Variants in SESN1 observed in about 807,000 individuals in gnomAD.
SESN1 encodes the protein sestrin-1.
In SESN1, 30 loss-of-function variants were observed where a neutral mutation model predicts 59.3. That is an observed-to-expected ratio of 0.51 (90% CI 0.38 to 0.69). The LOEUF (loss-of-function observed/expected upper bound fraction) is 0.69. Among genes scored for constraint, SESN1 ranks in the 30% least tolerant of loss-of-function variants. SESN1 has a pLI of 0.00. For synonymous variants in SESN1, 197 were observed against 219.9 expected (o/e 0.90, Z 0.92); for missense variants, 566 against 673.0 (o/e 0.84, Z 1.76).
rs910363196 is a variant in SESN1, at chr6:108,984,961, C to A, written c.*2583G>T. Among the ~76,000 whole-genome samples the A allele has an allele frequency of 6.6e-6, 1 of 152,082 alleles. No homozygotes were observed. Among genetic ancestry groups the A allele is most frequent in the Admixed American group, 6.6e-5 (1 of 15,258 alleles). ...TCTGGCCCATATATTGTTAACTCAG[C>A]GTCTCTGGGAGAATGAGGACGTGGA... On this transcript the variant is annotated 3_prime_UTR_variant, in exon 10 of 10. Coordinates refer to ENST00000436639, the MANE Select transcript of SESN1 (RefSeq NM_014454.3).
At chr6:109,032,356 C>T (rs1028628764) in intron 1 of SESN1, among the ~76,000 whole-genome samples, 2 of 152,102 alleles carry the variant, frequency 1.3e-5, no homozygotes, top group Non-Finnish European at 2.9e-5. Context: ...CAGTGGCTCA[C>T]GCCTGTAATC....
chr6:109,026,391 C>T (rs551363137), intron 1 of SESN1, among the ~76,000 whole-genome samples: 75 of 152,166 alleles, frequency 4.9e-4, no homozygotes, highest in Non-Finnish European at 4.7e-4. Flanking sequence ...AAATTCTCAC[C>T]TACCCAGAAT....
intron 1 of SESN1, among the ~76,000 whole-genome samples, chr6:109,049,759 A>G (rs1387651762): frequency 6.6e-6 from 1 of 150,750 alleles, no homozygotes; most frequent in Non-Finnish European, 1.5e-5. Flanking sequence ...TGAAATCATT[A>G]CATATATATT....
At chr6:109,035,422 G>A (rs1424238120) in intron 1 of SESN1, among the ~76,000 whole-genome samples, 2 of 152,046 alleles carry the variant, frequency 1.3e-5, no homozygotes, top group African/African-American at 4.8e-5. Flanking sequence ...AAAAGACTGA[G>A]TATAAAAGGT....
At chr6:109,076,433 T>G (rs1299385413) in intron 1 of SESN1, among the ~76,000 whole-genome samples, 6 of 152,228 alleles carry the variant, frequency 3.9e-5, no homozygotes, top group Non-Finnish European at 5.9e-5. Context: ...TTTTACAACT[T>G]CTTTTGGCCA....
intron 1 of SESN1, among the ~76,000 whole-genome samples, chr6:109,037,663 TG>T (rs1780269694): frequency 6.6e-6 from 1 of 152,188 alleles, no homozygotes; most frequent in Admixed American, 6.5e-5. Flanking sequence ...ATGGTTTTAA[TG>T]TTGAAATATT....
At chr6:109,019,581 TAA>T (rs2114366933) in intron 1 of SESN1, among the ~76,000 whole-genome samples, 1 of 152,262 alleles carries the variant, frequency 6.6e-6, no homozygotes, top group Non-Finnish European at 1.5e-5. Context: ...AAAACATAAA[TAA>T]AGTCACTCTT....
chr6:109,005,692 A>G (rs1225711335), intron 1 of SESN1, among the ~76,000 whole-genome samples: 1 of 152,194 alleles, frequency 6.6e-6, no homozygotes, highest in Non-Finnish European at 1.5e-5. Flanking sequence ...TGGGCATATT[A>G]ATAACACTGT....
chr6:109,013,768 C>G (rs7767882), intron 1 of SESN1, among the ~76,000 whole-genome samples: 66 of 152,056 alleles, frequency 4.3e-4, no homozygotes, highest in Non-Finnish European at 1.8e-4. Context: ...GTGGTTTAAG[C>G]ATTCTTGAAA....
At chr6:108,989,248 C>A (rs754774408) in intron 8 of SESN1, among the ~76,000 whole-genome samples, 1 of 152,156 alleles carries the variant, frequency 6.6e-6, no homozygotes, top group Non-Finnish European at 1.5e-5. Flanking sequence ...AGTGATCTGC[C>A]CGCCTTGGCT....
intron 1 of SESN1, chr6:109,009,471 G>A: frequency 8.0e-7 from 1 of 1,252,918 alleles, no homozygotes; most frequent in African/African-American, 1.6e-5. Flanking sequence ...GTCGGCGCGG[G>A]GACGGCTGCG....
intron 1 of SESN1, among the ~76,000 whole-genome samples, chr6:109,090,347 C>T (rs1190360883): frequency 6.6e-6 from 1 of 152,160 alleles, no homozygotes; most frequent in Non-Finnish European, 1.5e-5. Context: ...ACACTTGACC[C>T]TTGAACAACA....
intron 1 of SESN1, among the ~76,000 whole-genome samples, chr6:109,028,965 T>C (rs1318800452): frequency 2.0e-5 from 3 of 152,218 alleles, no homozygotes; most frequent in African/African-American, 7.2e-5. Flanking sequence ...CCTTTATGTA[T>C]ATTAACTGTC....
chr6:109,014,361 T>G (rs1779901990), intron 1 of SESN1, among the ~76,000 whole-genome samples: 1 of 152,202 alleles, frequency 6.6e-6, no homozygotes, highest in Non-Finnish European at 1.5e-5. Flanking sequence ...TATTTTTATT[T>G]TACAAATTTG....
Position 108,985,704 on chromosome 6 carries a change from G to C in SESN1, c.*1840C>G, listed in dbSNP as rs927805457. ...GATTAGAATCTCTACTAGAAATTTTGTATTTTCAAGAGGAGGAACAAAGAG... is the reference window on the plus strand; with the variant it reads ...GATTAGAATCTCTACTAGAAATTTTCTATTTTCAAGAGGAGGAACAAAGAG... On this transcript the variant is annotated 3_prime_UTR_variant, in exon 10 of 10. Coordinates refer to ENST00000436639, the MANE Select transcript of SESN1 (RefSeq NM_014454.3). Among the ~76,000 whole-genome samples, 1 of 152,068 alleles carries C rather than the reference G, an allele frequency of 6.6e-6. No homozygotes were observed. The highest frequency in any genetic ancestry group is 2.4e-5 in the African/African-American group (1 of 41,388).
rs559855214 is a variant in SESN1 at position 109,078,207 on chromosome 6, C to A, written c.279+15588G>T. On this transcript the variant is annotated intron_variant, in intron 1 of 9. Transcript: ENST00000436639. ...GACCAGCCTAGGAAACATAATGAGA[C>A]CCTGTCTCTACAAAAAACTTAAAAA... Among the ~76,000 whole-genome samples the A allele has an allele frequency of 5.9e-5, 9 of 152,042 alleles. No homozygotes were observed. The East Asian group carries it at 1.4e-3, about 23-fold the overall frequency.
At position 109,074,287 on chromosome 6, in the gene SESN1, T is replaced by G. The variant is rs1218523515; in HGVS notation, c.279+19508A>C. ...ATTAAGCAACACATAACTGTATATA[T>G]GTGTGTATATATGTATATACCTTCT... On this transcript the variant is annotated intron_variant, in intron 1 of 9. Coordinates refer to ENST00000436639, the MANE Select transcript of SESN1 (RefSeq NM_014454.3). Among the ~76,000 whole-genome samples, 3 of 145,646 alleles carry G rather than the reference T, an allele frequency of 2.1e-5. No individual in the cohort carries two copies. In the South Asian group the frequency reaches 6.5e-4, roughly 32 times the overall value.
intron 1 of SESN1, among the ~76,000 whole-genome samples, chr6:109,038,384 T>C (rs1239934297): frequency 1.3e-5 from 2 of 152,266 alleles, no homozygotes; most frequent in African/African-American, 4.8e-5. Context: ...CCCAGCTACT[T>C]GGGAGGCTCA....
At chr6:109,086,411 A>G (rs1781214359) in intron 1 of SESN1, among the ~76,000 whole-genome samples, 1 of 152,230 alleles carries the variant, frequency 6.6e-6, no homozygotes, top group African/African-American at 2.4e-5. Flanking sequence ...CTGTCAGACC[A>G]AAGTTTCAAC....
Sources: allele counts gnomAD v4.1 joint callset (sites outside exome capture counted in the v4.1 genomes callset), GRCh38; gene constraint gnomAD v4.1.1; transcripts MANE v1.5; gene names NCBI Gene and HGNC (gene_info 2026-07-23, HGNC 2026-07-21).